Variants in TTLL11 observed in about 807,000 individuals in gnomAD.
TTLL11 encodes the protein tubulin tyrosine ligase like 11.
A neutral mutation model predicts 51.7 loss-of-function variants in TTLL11; 42 were observed. The observed-to-expected ratio is 0.81, with a 90% confidence interval of 0.64 to 1.05. The LOEUF (loss-of-function observed/expected upper bound fraction) is 1.05. Among genes scored for constraint, TTLL11 ranks in the 50% least tolerant of loss-of-function variants. The pLI, the probability that TTLL11 is intolerant of heterozygous loss-of-function variation, is 0.00. For synonymous variants in TTLL11, 381 were observed against 383.5 expected (o/e 0.99, Z 0.08); for missense variants, 799 against 940.4 (o/e 0.85, Z 1.97).
intron 7 of TTLL11, among the ~76,000 whole-genome samples, chr9:121,869,149 A>T (rs1838267675): frequency 6.6e-6 from 1 of 152,172 alleles, no homozygotes; most frequent in Admixed American, 6.5e-5. Flanking sequence ...ACCTCCTGAA[A>T]CTAACGCAAA....
chr9:121,867,045 G>T (rs765481128), intron 7 of TTLL11, among the ~76,000 whole-genome samples: 1 of 152,148 alleles, frequency 6.6e-6, no homozygotes, highest in Non-Finnish European at 1.5e-5. Flanking sequence ...GACCTCGCCT[G>T]GTTCCAATCT....
At chr9:122,037,839 T>C (rs1427667235) in intron 2 of TTLL11, among the ~76,000 whole-genome samples, 1 of 152,148 alleles carries the variant, frequency 6.6e-6, no homozygotes, top group Non-Finnish European at 1.5e-5. Context: ...CTGAGCTAAG[T>C]GTGGCCTATG....
In TTLL11 at chr9:121,989,899, G is replaced by C; in HGVS notation, c.694-129C>G. The C allele has an allele frequency of 6.7e-7, 1 of 1,484,134 alleles. No individual in the cohort carries two copies. The allele number at this position is 1,484,134 out of a possible 1,614,324, so 91.9% of individuals were successfully genotyped here. On this transcript the variant is annotated intron_variant, in intron 3 of 8. Transcript: ENST00000321582. The surrounding 1 kb of genome is among the most constrained non-coding windows in gnomAD (Gnocchi z 4.2). Reference sequence around the variant, plus strand: ...ATCCCTGCCGATCTGAGCAGGGGCTGAGCATCTTCCATGGAGATGACACTG... The same window carrying C: ...ATCCCTGCCGATCTGAGCAGGGGCTCAGCATCTTCCATGGAGATGACACTG...
intron 6 of TTLL11, among the ~76,000 whole-genome samples, chr9:121,873,059 G>T (rs539350309): frequency 6.6e-6 from 1 of 152,318 alleles, no homozygotes; most frequent in East Asian, 1.9e-4. Context: ...TGGGTAAGTG[G>T]CAATCAATGA....
At chr9:121,880,953 A>C (rs998209993) in intron 6 of TTLL11, among the ~76,000 whole-genome samples, 1 of 151,990 alleles carries the variant, frequency 6.6e-6, no homozygotes, top group Non-Finnish European at 1.5e-5. Flanking sequence ...GTATTTCTAC[A>C]CCCCTCTACT....
Position 122,093,252 on chromosome 9 carries a change from G to T in TTLL11, c.-104C>A. On this transcript the variant is annotated 5_prime_UTR_variant, in exon 1 of 9. Coordinates refer to ENST00000321582, the MANE Select transcript of TTLL11 (RefSeq NM_001139442.2). ...GCCGCCGCTGCAGCCGCTGCCACGC[G>T]TTCCCCGCCCGAGCCCGTTGCCATG... The T allele has an allele frequency of 1.3e-6, 2 of 1,513,168 alleles. No individual in the cohort carries two copies. Among genetic ancestry groups the T allele is most frequent in the Non-Finnish European group, 8.7e-7 (1 of 1,143,456 alleles). 93.7% of individuals were successfully genotyped at this position (1,513,168 alleles called of 1,614,324 possible).
chr9:121,966,861 TC>T (rs1381932148), intron 6 of TTLL11, among the ~76,000 whole-genome samples: 1 of 152,174 alleles, frequency 6.6e-6, no homozygotes, highest in Non-Finnish European at 1.5e-5. Context: ...TGTCCACAAC[TC>T]AAACAGCTTG....
chr9:121,975,360 T>C (rs1052524477), intron 4 of TTLL11, among the ~76,000 whole-genome samples: 7 of 152,174 alleles, frequency 4.6e-5, no homozygotes, highest in Admixed American at 2.0e-4. Context: ...TCTGAGAACC[T>C]AAGGCTGCTT....
chr9:121,994,577 G>C (rs2131706240), intron 3 of TTLL11, among the ~76,000 whole-genome samples: 1 of 152,294 alleles, frequency 6.6e-6, no homozygotes, highest in East Asian at 1.9e-4. Flanking sequence ...TTTGAACCCA[G>C]GCAGGCAGAT....
chr9:122,030,130 G>C (rs1304112585), intron 3 of TTLL11, among the ~76,000 whole-genome samples: 1 of 143,506 alleles, frequency 7.0e-6, no homozygotes, highest in Non-Finnish European at 1.5e-5. Context: ...ACTGTAGTTG[G>C]ATGCAAAGCT....
chr9:121,996,660 C>A (rs1843277251), intron 3 of TTLL11, among the ~76,000 whole-genome samples: 1 of 152,214 alleles, frequency 6.6e-6, no homozygotes, highest in South Asian at 2.1e-4. Flanking sequence ...TTGCACCAAC[C>A]TAAATAATAC....
intron 6 of TTLL11, among the ~76,000 whole-genome samples, chr9:121,916,709 G>A (rs1215625920): frequency 6.6e-6 from 1 of 152,216 alleles, no homozygotes; most frequent in Non-Finnish European, 1.5e-5. Context: ...GGAATCATGA[G>A]CACATGTCAG....
intron 7 of TTLL11, among the ~76,000 whole-genome samples, chr9:121,860,790 C>T (rs139234728): frequency 4.4e-4 from 67 of 152,344 alleles, no homozygotes; most frequent in Middle Eastern, 6.8e-3. Flanking sequence ...TTGGTCTTCC[C>T]AGCCTCCAGA....
intron 2 of TTLL11, among the ~76,000 whole-genome samples, chr9:122,035,282 C>G (rs961534186): frequency 6.6e-6 from 1 of 152,170 alleles, no homozygotes; most frequent in African/African-American, 2.4e-5. Flanking sequence ...TAAGGTCTAT[C>G]CCTAGATGTC....
chr9:121,990,218 A>G (rs962034419), intron 3 of TTLL11, among the ~76,000 whole-genome samples: 2 of 152,228 alleles, frequency 1.3e-5, no homozygotes, highest in African/African-American at 4.8e-5. Context: ...TATGTCAGGA[A>G]CAGAGAGGGT....
chr9:121,992,170 T>C (rs1308650509), intron 3 of TTLL11, among the ~76,000 whole-genome samples: 3 of 152,168 alleles, frequency 2.0e-5, no homozygotes, highest in Non-Finnish European at 2.9e-5. Flanking sequence ...TCTGTCTGGG[T>C]TCCTTGCTTG....
chr9:121,842,883 C>T (rs951402853), intron 8 of TTLL11, among the ~76,000 whole-genome samples: 9 of 152,186 alleles, frequency 5.9e-5, no homozygotes, highest in South Asian at 2.1e-4. Context: ...CTACCACTCA[C>T]GAGCTGGGTG....
intron 3 of TTLL11, among the ~76,000 whole-genome samples, chr9:122,022,362 TAAAG>T (rs1266570972): frequency 6.6e-6 from 1 of 151,516 alleles, no homozygotes; most frequent in Non-Finnish European, 1.5e-5. Context: ...ACACCAATGA[TAAAG>T]AAAAAATATT....
intron 2 of TTLL11, among the ~76,000 whole-genome samples, chr9:122,035,368 C>T (rs1247289862): frequency 1.3e-5 from 2 of 152,224 alleles, no homozygotes; most frequent in East Asian, 1.9e-4. Context: ...AAGGGCTTAC[C>T]TCCTGCCCCT....
Sources: allele counts gnomAD v4.1 joint callset (sites outside exome capture counted in the v4.1 genomes callset), GRCh38; gene constraint gnomAD v4.1.1; non-coding constraint Gnocchi (gnomAD v3.1); transcripts MANE v1.5; gene names NCBI Gene and HGNC (gene_info 2026-07-23, HGNC 2026-07-21).